Variants in GCLC observed in about 807,000 individuals in gnomAD.
GCLC encodes glutamate--cysteine ligase catalytic subunit.
Under a neutral mutation model 81.5 loss-of-function variants are expected in GCLC, and 30 were observed. That is an observed-to-expected ratio of 0.37 (90% CI 0.28 to 0.50). The LOEUF (loss-of-function observed/expected upper bound fraction) is 0.50, where lower values mean the gene tolerates loss of function less well. Among genes scored for constraint, GCLC ranks in the 20% least tolerant of loss-of-function variants. The pLI, the probability that GCLC is intolerant of heterozygous loss-of-function variation, is 0.96. For synonymous variants in GCLC, 262 were observed against 273.3 expected, an observed-to-expected ratio of 0.96 and a Z score of 0.41; for missense variants, 556 against 777.4, an observed-to-expected ratio of 0.72 and a Z score of 3.39.
chr6:53,523,536 G>A (rs1232699191), intron 1 of GCLC, among the ~76,000 whole-genome samples: 1 of 152,164 alleles, frequency 6.6e-6, no homozygotes, highest in Non-Finnish European at 1.5e-5. Context: ...GCAGGCAACC[G>A]TATATCCACT....
intron 2 of GCLC, among the ~76,000 whole-genome samples, chr6:53,522,034 C>T (rs1044635663): frequency 1.3e-5 from 2 of 152,242 alleles, no homozygotes; most frequent in Non-Finnish European, 2.9e-5. Context: ...TTATATCTTG[C>T]ATCATGGTTT....
At chr6:53,507,331 A>G in intron 9 of GCLC, 149 bp downstream of exon 9, 2 of 804,886 alleles carry the variant, frequency 2.5e-6, no homozygotes, top group Middle Eastern at 4.6e-4. Context: ...TTGGAACCTG[A>G]AACTTTAGGA....
At chr6:53,541,879 T>C (rs1342173876) in intron 1 of GCLC, among the ~76,000 whole-genome samples, 1 of 152,162 alleles carries the variant, frequency 6.6e-6, no homozygotes, top group Non-Finnish European at 1.5e-5. Context: ...AATCTTTTTT[T>C]GGGGTAGGGG....
At chr6:53,529,736 G>C (rs1763141872) in intron 1 of GCLC, among the ~76,000 whole-genome samples, 1 of 152,220 alleles carries the variant, frequency 6.6e-6, no homozygotes, top group South Asian at 2.1e-4. Context: ...TGGTTGACAA[G>C]AAACAGTATC....
chr6:53,522,606 G>A (rs964282216), intron 1 of GCLC, 79 bp from the exon 2 acceptor site: 39 of 840,680 alleles, frequency 4.6e-5, no homozygotes, highest in South Asian at 4.0e-4. Flanking sequence ...AAAAGGCAGG[G>A]AAACGTGAAG....
chr6:53,514,537 G>C, intron 4 of GCLC, 40 bp from the exon 5 acceptor site: 1 of 1,395,562 alleles, frequency 7.2e-7, no homozygotes, highest in Non-Finnish European at 1.0e-6. Context: ...GGTCACCTAA[G>C]AGTCATCGTG....
chr6:53,517,408 A>AT (rs1288229071), intron 3 of GCLC, among the ~76,000 whole-genome samples: 1 of 151,736 alleles, frequency 6.6e-6, no homozygotes, highest in African/African-American at 2.4e-5. Context: ...TCAATGCCTT[A>AT]TTTTTAACCC....
At chr6:53,511,947 CTTTTT>C (rs535000790) in intron 6 of GCLC, among the ~76,000 whole-genome samples, 1 of 113,556 alleles carries the variant, frequency 8.8e-6, no homozygotes, top group Non-Finnish European at 1.8e-5. Flanking sequence ...GAACTTAGTG[CTTTTT>C]TTTTTTTTTT....
At chr6:53,526,575 G>C (rs1325464141) in intron 1 of GCLC, among the ~76,000 whole-genome samples, 2 of 152,028 alleles carry the variant, frequency 1.3e-5, no homozygotes, top group Non-Finnish European at 2.9e-5. Context: ...GAGGCGGGCG[G>C]ATCACAAGGT....
In GCLC at chr6:53,509,454, T is replaced by C. The variant is rs1034499547; in HGVS notation, c.754-204A>G. On this transcript the variant is annotated intron_variant, in intron 6 of 15. Coordinates refer to ENST00000650454, the MANE Select transcript of GCLC (RefSeq NM_001498.4). ...TGGTATTTAATTATGTTCCACTGCCTATAGACAACTAATATAAATAACCAA... is the reference window on the plus strand; with the variant it reads ...TGGTATTTAATTATGTTCCACTGCCCATAGACAACTAATATAAATAACCAA... 3 of 608,908 alleles carry C rather than the reference T, an allele frequency of 4.9e-6. No individual in the cohort carries two copies. In the African/African-American group the frequency reaches 5.5e-5, roughly 11 times the overall value. The allele number at this position is 608,908 out of a possible 1,614,324, so 37.7% of individuals were successfully genotyped here. A position where few individuals can be genotyped will look rare whatever the true frequency, so the allele number is the denominator to read the frequency against.
Position 53,500,058 on chromosome 6 carries a change from C to A in GCLC, c.1689G>T (p.Lys563Asn), listed in dbSNP as rs1453188506. Reference sequence around the variant, plus strand: ...TAGATATCATACCAGATGCTCTCTTCTTAATTAGCTTTAGGTAGTTCAGAA... The same window carrying A: ...TAGATATCATACCAGATGCTCTCTTATTAATTAGCTTTAGGTAGTTCAGAA... ...CSILNYLKLI[K>N]KRASGELMTV... is the part of the protein sequence containing the mutation. The change falls in exon 15 of 16, where the codon AAG (lysine) becomes AAT (asparagine). Residue 563 changes from lysine (K) to asparagine (N), a missense_variant. Around this residue, in one of 3 missense-constraint regions of GCLC, gnomAD observed 313 missense variants for 437.3 expected, o/e 0.72. Coordinates refer to ENST00000650454, the MANE Select transcript of GCLC (RefSeq NM_001498.4). The A allele has an allele frequency of 6.3e-7, 1 of 1,599,298 alleles. No homozygotes were observed. Among genetic ancestry groups the A allele is most frequent in the East Asian group, 2.2e-5 (1 of 44,804 alleles).
chr6:53,505,519 A>T, intron 11 of GCLC, 23 bp from the exon 12 acceptor site: 1 of 1,264,522 alleles, frequency 7.9e-7, no homozygotes, highest in South Asian at 1.2e-5. Context: ...AAGCCCAGAG[A>T]AGTTATGAAC....
At chr6:53,531,253 T>C (rs758205100) in intron 1 of GCLC, among the ~76,000 whole-genome samples, 1 of 152,124 alleles carries the variant, frequency 6.6e-6, no homozygotes, top group Non-Finnish European at 1.5e-5. Context: ...CCATGATGAG[T>C]TGTGATCAAC....
At chr6:53,544,457 C>A (rs1375068125) in intron 1 of GCLC, 39 bp downstream of exon 1, 9 of 1,599,582 alleles carry the variant, frequency 5.6e-6, no homozygotes, top group Non-Finnish European at 7.6e-6. Flanking sequence ...GGCGGCCAGA[C>A]ACGGGTGCCC....
chr6:53,509,577 T>C, intron 6 of GCLC: 1 of 419,914 alleles, frequency 2.4e-6, no homozygotes, highest in South Asian at 2.4e-5. Flanking sequence ...ACTGGCTTGT[T>C]GCCTTCCTAT....
Position 53,498,498 on chromosome 6 carries a change from A to C in GCLC, c.*258T>G, listed in dbSNP as rs562770837. 3.7e-5 allele frequency: 17 copies of C among 458,870 alleles called. No individual in the cohort carries two copies. In the South Asian group the frequency reaches 4.1e-4, roughly 11 times the overall value. 28.4% of individuals were successfully genotyped at this position (458,870 alleles called of 1,614,324 possible). A position where few individuals can be genotyped will look rare whatever the true frequency, so the allele number is the denominator to read the frequency against. On this transcript the variant is annotated 3_prime_UTR_variant, in exon 16 of 16. Transcript: ENST00000650454. ...GGTTGCTCCAGAGTAAGAATTTAAA[A>C]ATGTACAAGCCAGTTCATGATGACT...
At chr6:53,508,826 G>GTTCCAC in intron 7 of GCLC, 115 bp from the exon 8 acceptor site, 1 of 757,800 alleles carries the variant, frequency 1.3e-6, no homozygotes, top group East Asian at 2.5e-5. Context: ...CCCATACAGA[G>GTTCCAC]CACATGTACC....
chr6:53,535,875 T>C (rs980538406), intron 1 of GCLC, among the ~76,000 whole-genome samples: 1 of 152,182 alleles, frequency 6.6e-6, no homozygotes, highest in African/African-American at 2.4e-5. Context: ...GAATGCAAAA[T>C]GGTATAACCA....
chr6:53,498,307 A>G lies in GCLC; in HGVS notation c.*449T>C, dbSNP rs888781997. On this transcript the variant is annotated 3_prime_UTR_variant, in exon 16 of 16. Coordinates refer to ENST00000650454, the MANE Select transcript of GCLC (RefSeq NM_001498.4). ...TGATTTAATGTAGACAACAAAGGAAATGACAAAGGAAAATTAACGAGAGAA... is the reference window on the plus strand; with the variant it reads ...TGATTTAATGTAGACAACAAAGGAAGTGACAAAGGAAAATTAACGAGAGAA... 1.1e-5 allele frequency: 2 copies of G among 177,158 alleles called. No homozygotes were observed. Among genetic ancestry groups the G allele is most frequent in the Admixed American group, 5.6e-5 (1 of 17,782 alleles). 11.0% of individuals were successfully genotyped at this position (177,158 alleles called of 1,614,324 possible). A position where few individuals can be genotyped will look rare whatever the true frequency, so the allele number is the denominator to read the frequency against.
Sources: gnomAD v4.1 joint callset for allele counts (sites outside exome capture counted in the v4.1 genomes callset) on GRCh38, gnomAD v4.1.1 for gene constraint, gnomAD v4.1.1 regional missense constraint, MANE v1.5 for transcripts, NCBI Gene and HGNC (gene_info 2026-07-23, HGNC 2026-07-21) for gene names.